GRIK5: variants seen among roughly 807,000 people sequenced by gnomAD.
GRIK5 encodes glutamate ionotropic receptor kainate type subunit 5.
GRIK5 carries 43 observed loss-of-function variants against 97.4 expected under a neutral mutation model. That is an observed-to-expected ratio of 0.44 (90% CI 0.35 to 0.57). GRIK5 has a LOEUF of 0.57. GRIK5 is among the 20% of genes least tolerant of loss of function. The pLI is 0.01. For synonymous variants in GRIK5, 580 were observed against 583.5 expected (o/e 0.99, Z 0.09); for missense variants, 1,015 against 1,382.0 (o/e 0.73, Z 4.21).
At position 42,065,735 on chromosome 19, in the gene GRIK5, G is replaced by A. The variant is rs1372363270; in HGVS notation, c.36C>T (p.Ala12=). The A allele has an allele frequency of 1.9e-6, 3 of 1,597,684 alleles. No individual in the cohort carries two copies. The highest frequency in any genetic ancestry group is 2.6e-6 in the Non-Finnish European group (3 of 1,173,836). Residue 12 remains alanine (A), a synonymous_variant, in exon 2 of 20, where the codon GCC becomes GCT. Coordinates refer to ENST00000593562, the MANE Select transcript of GRIK5 (RefSeq NM_002088.5). This position sits in a 1 kb window ranked among gnomAD's most constrained non-coding sequence, Gnocchi z 5.8. ...GCACCTGGCAGCTGGGGCTGGCGAA[G>A]GCAACAATCAGCAGCAGCAGCAGCT... ...PAELLLLLIV[A]FASPSCQVLS...
chr19:42,031,722 A>C (rs2075843284), intron 12 of GRIK5, among the ~76,000 whole-genome samples: 1 of 152,258 alleles, frequency 6.6e-6, no homozygotes, highest in African/African-American at 2.4e-5. Context: ...CTGGAAAATA[A>C]TTCAACAAAA....
Position 42,036,547 on chromosome 19 carries a change from G to A in GRIK5, c.1473+6005C>T, listed in dbSNP as rs193040305. Among the ~76,000 whole-genome samples, 262 of 152,180 alleles carry A rather than the reference G, an allele frequency of 1.7e-3. 3 individuals carry two copies. The highest frequency in any genetic ancestry group is 6.1e-3 in the African/African-American group (255 of 41,510). On this transcript the variant is annotated intron_variant, in intron 12 of 19. Transcript: ENST00000593562. ...ATTTTTTCAATTTTTGTAGAGATAG[G>A]GTTTCACCATGTTGCCAAGGTTGGT...
chr19:42,057,375 C>CTTTT (rs551047815), intron 6 of GRIK5, among the ~76,000 whole-genome samples: 1 of 144,566 alleles, frequency 6.9e-6, no homozygotes, highest in Non-Finnish European at 1.5e-5. Context: ...GGGGAATTAT[C>CTTTT]TTTTTTTTTT....
chr19:42,055,489 G>T (rs1264240683), intron 8 of GRIK5, among the ~76,000 whole-genome samples: 1 of 152,150 alleles, frequency 6.6e-6, no homozygotes, highest in Non-Finnish European at 1.5e-5. Flanking sequence ...TATGAGCTAG[G>T]CTGTTTTAAG....
intron 6 of GRIK5, among the ~76,000 whole-genome samples, chr19:42,058,683 G>A (rs376281010): frequency 2.9e-4 from 44 of 150,492 alleles, no homozygotes; most frequent in South Asian, 6.3e-4. Flanking sequence ...AAAATTAGCC[G>A]AGTGTGGTGG....
At chr19:42,046,056 C>A (rs1482723862) in intron 11 of GRIK5, among the ~76,000 whole-genome samples, 1 of 152,172 alleles carries the variant, frequency 6.6e-6, no homozygotes, top group Non-Finnish European at 1.5e-5. Flanking sequence ...ATACAGCCCC[C>A]TTGACATATA....
At chr19:42,041,871 G>A (rs2075981569) in intron 12 of GRIK5, among the ~76,000 whole-genome samples, 1 of 152,180 alleles carries the variant, frequency 6.6e-6, no homozygotes, top group African/African-American at 2.4e-5. Flanking sequence ...ATATCTGACT[G>A]GGTCAGGAAC....
rs2076381158 is a variant in GRIK5 at position 42,068,883 on chromosome 19, A to G, written c.-51+358T>C. 4 of 685,432 alleles carry G rather than the reference A, an allele frequency of 5.8e-6. No individual in the cohort carries two copies. In the East Asian group the frequency reaches 8.4e-5, roughly 14 times the overall value. 42.5% of individuals were successfully genotyped at this position (685,432 alleles called of 1,614,324 possible). On this transcript the variant is annotated intron_variant, in intron 1 of 19. Coordinates refer to ENST00000593562, the MANE Select transcript of GRIK5 (RefSeq NM_002088.5). ...CCACCGCAGGCAGAGGATGAGGCTC[A>G]GAGGAACAGAAAGAGCCAGTCTGGG...
intron 1 of GRIK5, among the ~76,000 whole-genome samples, chr19:42,066,166 AC>A (rs2076328702): frequency 6.6e-6 from 1 of 151,996 alleles, no homozygotes; most frequent in African/African-American, 2.4e-5. Context: ...CAAATAGGAA[AC>A]CAGGAAGTGC....
chr19:42,034,504 C>G (rs949985651), intron 12 of GRIK5, among the ~76,000 whole-genome samples: 3 of 152,136 alleles, frequency 2.0e-5, no homozygotes, highest in African/African-American at 7.2e-5. Flanking sequence ...CTTTTCCCCT[C>G]AAGTCTTTAT....
Position 42,042,931 on chromosome 19 carries a change from C to T in GRIK5, c.1270-176G>A, listed in dbSNP as rs2075997327. ...TCAGAGTGGGGAATAGACCTGAAAG[C>T]CAGGGAAAAACACATGGGTACTGCC... is the stretch of plus-strand genomic sequence containing the variant. On this transcript the variant is annotated intron_variant, in intron 11 of 19. Coordinates refer to ENST00000593562, the MANE Select transcript of GRIK5 (RefSeq NM_002088.5). The surrounding 1 kb of genome is among the most constrained non-coding windows in gnomAD (Gnocchi z 6.9). The T allele has an allele frequency of 3.3e-6, 2 of 611,208 alleles. No individual in the cohort carries two copies. The highest frequency in any genetic ancestry group is 5.7e-6 in the Non-Finnish European group (2 of 348,158). 37.9% of individuals were successfully genotyped at this position (611,208 alleles called of 1,614,324 possible). A position where few individuals can be genotyped will look rare whatever the true frequency, so the allele number is the denominator to read the frequency against.
At chr19:42,045,113 A>C (rs573533927) in intron 11 of GRIK5, among the ~76,000 whole-genome samples, 12 of 152,202 alleles carry the variant, frequency 7.9e-5, no homozygotes, top group Admixed American at 6.5e-4. Context: ...GACCTCTGTC[A>C]CCTCTCATTC....
At chr19:42,051,989 T>C (rs2076122980) in intron 11 of GRIK5, among the ~76,000 whole-genome samples, 3 of 152,216 alleles carry the variant, frequency 2.0e-5, no homozygotes, top group Non-Finnish European at 4.4e-5. Context: ...TGGGAATGAC[T>C]GTGTCCAGGT....
Position 42,003,351 on chromosome 19 carries a change from C to T in GRIK5, c.2495G>A (p.Arg832Lys), listed in dbSNP as rs150595206. The T allele has an allele frequency of 2.5e-6, 4 of 1,612,920 alleles. No individual in the cohort carries two copies. Among genetic ancestry groups the T allele is most frequent in the Non-Finnish European group, 3.4e-6 (4 of 1,179,556 alleles). Residue 832 changes from arginine (R) to lysine (K), a missense_variant, in exon 19 of 20, where the codon AGG becomes AAG. Transcript: ENST00000593562. The surrounding 1 kb of genome is among the most constrained non-coding windows in gnomAD (Gnocchi z 4.2). Reference sequence around the variant, plus strand: ...CCTCACCTCCTCGGACTCAGCTGACCTCCGTGTGGACCATATGAATTCCAT... The same window carrying T: ...CCTCACCTCCTCGGACTCAGCTGACTTCCGTGTGGACCATATGAATTCCAT... Reference protein sequence around the residue: ...AVMEFIWSTRRSAESEEVSVC... With the variant: ...AVMEFIWSTRKSAESEEVSVC...
rs1417481696 is a variant in GRIK5, at chr19:42,006,992, G to T, written c.1872-182C>A. Among the ~76,000 whole-genome samples, 1 of 152,198 alleles carries T rather than the reference G, an allele frequency of 6.6e-6. No homozygotes were observed. Among genetic ancestry groups the T allele is most frequent in the East Asian group, 1.9e-4 (1 of 5,202 alleles). Reference sequence around the variant, plus strand: ...GCCAGACTTCCTGGTTGTAAATATTGCATCCGGAGACTTCTACTTCCAGAT... The same window carrying T: ...GCCAGACTTCCTGGTTGTAAATATTTCATCCGGAGACTTCTACTTCCAGAT... On this transcript the variant is annotated intron_variant, in intron 15 of 19. Transcript: ENST00000593562. This position sits in a 1 kb window ranked among gnomAD's most constrained non-coding sequence, Gnocchi z 5.3.
intron 12 of GRIK5, among the ~76,000 whole-genome samples, chr19:42,026,203 G>A (rs1354220161): frequency 6.6e-6 from 1 of 152,014 alleles, no homozygotes; most frequent in Non-Finnish European, 1.5e-5. Flanking sequence ...CCCCAGGCTG[G>A]TCTCGAACTG....
chr19:42,031,842 AT>A (rs2075844381), intron 12 of GRIK5, among the ~76,000 whole-genome samples: 2 of 152,240 alleles, frequency 1.3e-5, no homozygotes, highest in African/African-American at 2.4e-5. Flanking sequence ...GTGCATAAAG[AT>A]GCTTGTTGGC....
chr19:42,059,983 A>T (rs1172648569), intron 5 of GRIK5, among the ~76,000 whole-genome samples: 1 of 151,800 alleles, frequency 6.6e-6, no homozygotes, highest in Non-Finnish European at 1.5e-5. Flanking sequence ...GTCCTGAGCC[A>T]CCACCAACTC....
At chr19:42,010,194 T>C (rs1320507382) in intron 15 of GRIK5, among the ~76,000 whole-genome samples, 3 of 152,032 alleles carry the variant, frequency 2.0e-5, no homozygotes, top group African/African-American at 7.2e-5. Flanking sequence ...TAAGTGGCTT[T>C]ACCTATGTGA....
Sources: gnomAD v4.1 joint callset for allele counts (sites outside exome capture counted in the v4.1 genomes callset) on GRCh38, gnomAD v4.1.1 for gene constraint, Gnocchi (gnomAD v3.1) non-coding constraint, MANE v1.5 for transcripts, NCBI Gene and HGNC (gene_info 2026-07-23, HGNC 2026-07-21) for gene names.